CNOT7: variants seen among roughly 807,000 people sequenced by gnomAD.
CNOT7 encodes BTG1-binding factor 1.
A neutral mutation model predicts 37.1 loss-of-function variants in CNOT7; 4 were observed. The ratio of observed to expected loss-of-function variants is 0.11; its 90% CI spans 0.05 to 0.25. CNOT7 has a LOEUF of 0.25. Among genes scored for constraint, CNOT7 ranks in the 10% least tolerant of loss-of-function variants. The probability of loss-of-function intolerance (pLI) is 1.00; values close to 1 mark genes in which losing one functional copy is unlikely to be tolerated. For missense variants in CNOT7, 170 were observed against 336.2 expected (o/e 0.51, Z 3.87); for synonymous variants, 128 against 115.6 (o/e 1.11, Z -0.69).
rs772211173 is a variant in CNOT7, at chr8:17,242,946, A to T, written c.311+46T>A. On this transcript the variant is annotated intron_variant, in intron 3 of 6. Coordinates refer to ENST00000361272, the MANE Select transcript of CNOT7 (RefSeq NM_013354.7). ...GAGGAAAATCAATTCCTAAGATTAA[A>T]GAAAAAAAAAAAAAAGTCTGGGTTA... The T allele has an allele frequency of 5.6e-6, 7 of 1,251,772 alleles. No homozygotes were observed. In the African/African-American group the frequency reaches 8.6e-5, roughly 15 times the overall value. The allele number at this position is 1,251,772 out of a possible 1,614,324, so 77.5% of individuals were successfully genotyped here. A position where few individuals can be genotyped will look rare whatever the true frequency, so the allele number is the denominator to read the frequency against.
At chr8:17,243,662 A>T (rs1810495233) in intron 2 of CNOT7, 1 of 456,410 alleles carries the variant, frequency 2.2e-6, no homozygotes, top group Non-Finnish European at 4.4e-6. Context: ...TCTCTGGCTT[A>T]AACAATATTC....
rs1268245306 is a variant in CNOT7, at chr8:17,227,774, T to G, written c.*2946A>C. 2.0e-5 allele frequency: 3 copies of G among 151,910 alleles called. No homozygotes were observed. The highest frequency in any genetic ancestry group is 4.4e-5 in the Non-Finnish European group (3 of 67,810). The allele number at this position is 151,910 out of a possible 1,614,324, so 9.4% of individuals were successfully genotyped here. Reference sequence around the variant, plus strand: ...ATAAACACAATGTACCAGCATATAATAAAATAGTCCATATTCCAATGTGCC... The same window carrying G: ...ATAAACACAATGTACCAGCATATAAGAAAATAGTCCATATTCCAATGTGCC... On this transcript the variant is annotated 3_prime_UTR_variant, in exon 7 of 7. Coordinates refer to ENST00000361272, the MANE Select transcript of CNOT7 (RefSeq NM_013354.7).
At chr8:17,246,368 C>G (rs957032690) in intron 1 of CNOT7, 12 of 152,498 alleles carry the variant, frequency 7.9e-5, no homozygotes, top group African/African-American at 2.7e-4. Flanking sequence ...GCTACACTGA[C>G]TCCCAAGCAC....
rs985148648 is a variant in CNOT7, at chr8:17,225,850, CTTTA to C, written c.*4866_*4869del. On this transcript the variant is annotated 3_prime_UTR_variant, in exon 7 of 7. Coordinates refer to ENST00000361272, the MANE Select transcript of CNOT7 (RefSeq NM_013354.7). The stretch of plus-strand genomic sequence containing the variant: ...AGAATAATCAGCATTTTTCCTATCC[CTTTA>C]TTTATAAATTCTAACACATTTATTT... The C allele has an allele frequency of 7.3e-5, 11 of 151,628 alleles. No individual in the cohort carries two copies. Among genetic ancestry groups the C allele is most frequent in the Middle Eastern group, 3.4e-3 (1 of 294 alleles). The allele number at this position is 151,628 out of a possible 1,614,324, so 9.4% of individuals were successfully genotyped here.
chr8:17,231,884 T>C lies in CNOT7; in HGVS notation c.729+543A>G. 5 of 986,174 alleles carry C rather than the reference T, an allele frequency of 5.1e-6. No individual in the cohort carries two copies. The South Asian group carries it at 2.3e-4, about 46-fold the overall frequency. 61.1% of individuals were successfully genotyped at this position (986,174 alleles called of 1,614,324 possible). ...TACTACGTTGGATTTATTTGATCCCTTCGGAATTCAACCCCCCTTTTAAGA... is the reference window on the plus strand; with the variant it reads ...TACTACGTTGGATTTATTTGATCCCCTCGGAATTCAACCCCCCTTTTAAGA... On this transcript the variant is annotated intron_variant, in intron 6 of 6. Transcript: ENST00000361272.
rs759698704 is a variant in CNOT7, at chr8:17,228,914, T to G, written c.*1806A>C. 9 of 151,954 alleles carry G rather than the reference T, an allele frequency of 5.9e-5. No individual in the cohort carries two copies. Among genetic ancestry groups the G allele is most frequent in the African/African-American group, 9.7e-5 (4 of 41,436 alleles). The allele number at this position is 151,954 out of a possible 1,614,324, so 9.4% of individuals were successfully genotyped here. ...AGAAGCCAGTTAGAAACTTACTACA[T>G]TGTGTTAGATTTTTTAAAAAGCCAC... On this transcript the variant is annotated 3_prime_UTR_variant, in exon 7 of 7. Coordinates refer to ENST00000361272, the MANE Select transcript of CNOT7 (RefSeq NM_013354.7).
Position 17,228,150 on chromosome 8 carries a change from A to T in CNOT7, c.*2570T>A, listed in dbSNP as rs1340921371. On this transcript the variant is annotated 3_prime_UTR_variant, in exon 7 of 7. Transcript: ENST00000361272. ...TTTTGATTATTTTTCCCAACCATTT[A>T]AAAGCCATTTTCAGTTCATGGGCCA... 1 of 151,944 alleles carries T rather than the reference A, an allele frequency of 6.6e-6. No individual in the cohort carries two copies. The highest frequency in any genetic ancestry group is 2.4e-5 in the African/African-American group (1 of 41,442). The allele number at this position is 151,944 out of a possible 1,614,324, so 9.4% of individuals were successfully genotyped here. A position where few individuals can be genotyped will look rare whatever the true frequency, so the allele number is the denominator to read the frequency against.
intron 3 of CNOT7, among the ~76,000 whole-genome samples, chr8:17,240,418 A>C (rs1025099013): frequency 6.6e-6 from 1 of 152,076 alleles, no homozygotes; most frequent in Non-Finnish European, 1.5e-5. Flanking sequence ...GCCCAAGACA[A>C]TTCTTCCTCT....
Position 17,237,286 on chromosome 8 carries a change from G to A in CNOT7, c.399C>T (p.Thr133=). Residue 133 remains threonine, a synonymous_variant, in exon 4 of 7, where the codon ACC becomes ACT. Coordinates refer to ENST00000361272, the MANE Select transcript of CNOT7 (RefSeq NM_013354.7). Reference sequence around the variant, plus strand: ...TCATAAGAAGTTCTGCAAAGTACTGGGTTTCAATTCCTTCCTCCTCATGTT... The same window carrying A: ...TCATAAGAAGTTCTGCAAAGTACTGAGTTTCAATTCCTTCCTCCTCATGTT... ...FKKHEEEGIE[T]QYFAELLMTS... 2 of 1,614,020 alleles carry A rather than the reference G, an allele frequency of 1.2e-6. No homozygotes were observed. The highest frequency in any genetic ancestry group is 1.1e-5 in the South Asian group (1 of 91,076).
intron 3 of CNOT7, 114 bp from the exon 4 acceptor site, chr8:17,237,487 G>C (rs1809535396): frequency 2.2e-6 from 2 of 894,288 alleles, no homozygotes; most frequent in Admixed American, 2.4e-5. Flanking sequence ...AATGGCTTGA[G>C]TCCACCTGTT....
chr8:17,232,110 A>T (rs1029726281), intron 6 of CNOT7: 1 of 1,012,558 alleles, frequency 9.9e-7, no homozygotes, highest in African/African-American at 1.7e-5. Flanking sequence ...TCCCACTAGT[A>T]ATGTGTTTAA....
At chr8:17,241,333 T>A in intron 3 of CNOT7, 1 of 147,046 alleles carries the variant, frequency 6.8e-6, no homozygotes, top group East Asian at 2.0e-4. Context: ...GGTCTAGAAC[T>A]CCTGGCCTCA....
At chr8:17,231,521 A>G in intron 6 of CNOT7, 1 of 985,160 alleles carries the variant, frequency 1.0e-6, no homozygotes, top group Non-Finnish European at 1.2e-6. Context: ...CTACTTAGCA[A>G]AACAGCTTTA....
chr8:17,234,324 G>A (rs775983790), intron 5 of CNOT7, among the ~76,000 whole-genome samples: 1 of 152,140 alleles, frequency 6.6e-6, no homozygotes, highest in South Asian at 2.1e-4. Context: ...TCTGCATATC[G>A]CTGGCCACCT....
Position 17,243,415 on chromosome 8 carries a change from A to G in CNOT7, c.118-230T>C, listed in dbSNP as rs1585845688. The G allele has an allele frequency of 4.7e-6, 3 of 640,998 alleles. No homozygotes were observed. The East Asian group carries it at 9.2e-5, about 20-fold the overall frequency. 39.7% of individuals were successfully genotyped at this position (640,998 alleles called of 1,614,324 possible). ...TCCAAAAAGTTACTATACGAGATACATGTGATAAATTTAACCAAATACTTA... is the reference window on the plus strand; with the variant it reads ...TCCAAAAAGTTACTATACGAGATACGTGTGATAAATTTAACCAAATACTTA... On this transcript the variant is annotated intron_variant, in intron 2 of 6. Coordinates refer to ENST00000361272, the MANE Select transcript of CNOT7 (RefSeq NM_013354.7).
At chr8:17,239,694 CGT>C (rs1809879727) in intron 3 of CNOT7, among the ~76,000 whole-genome samples, 1 of 152,034 alleles carries the variant, frequency 6.6e-6, no homozygotes, top group African/African-American at 2.4e-5. Flanking sequence ...AGGGTTTCAC[CGT>C]GTTAGCCAGG....
At chr8:17,239,398 C>T (rs780936744) in intron 3 of CNOT7, among the ~76,000 whole-genome samples, 4 of 152,110 alleles carry the variant, frequency 2.6e-5, no homozygotes, top group South Asian at 2.1e-4. Flanking sequence ...TTTACACTGC[C>T]ACTTTCCTTA....
Position 17,225,221 on chromosome 8 carries a change from A to G in CNOT7, c.*5499T>C, listed in dbSNP as rs972130222. 6 of 151,658 alleles carry G rather than the reference A, an allele frequency of 4.0e-5. No homozygotes were observed. The highest frequency in any genetic ancestry group is 7.4e-5 in the Non-Finnish European group (5 of 67,676). 9.4% of individuals were successfully genotyped at this position (151,658 alleles called of 1,614,324 possible). The stretch of plus-strand genomic sequence containing the variant: ...ATAGTCTGAAGCTAAAGGAACTCCA[A>G]TTTCTTGGTATGATACTAAATAAAG... On this transcript the variant is annotated 3_prime_UTR_variant, in exon 7 of 7. Transcript: ENST00000361272.
At chr8:17,234,471 G>C (rs1473457115) in intron 5 of CNOT7, 8 of 445,442 alleles carry the variant, frequency 1.8e-5, no homozygotes. Context: ...GCAGTGACAA[G>C]AACCGGACCT....
Sources: allele counts gnomAD v4.1 joint callset (sites outside exome capture counted in the v4.1 genomes callset), GRCh38; gene constraint gnomAD v4.1.1; transcripts MANE v1.5; gene names NCBI Gene and HGNC (gene_info 2026-07-23, HGNC 2026-07-21).